Variants in GRM5 observed in about 807,000 individuals in gnomAD.
The protein encoded by GRM5 is metabotropic glutamate receptor 5.
GRM5 carries 19 observed loss-of-function variants against 83.1 expected under a neutral mutation model. The ratio of observed to expected loss-of-function variants is 0.23; its 90% CI spans 0.16 to 0.34. The LOEUF (loss-of-function observed/expected upper bound fraction) is 0.34, where lower values mean the gene tolerates loss of function less well. Ranked by LOEUF, GRM5 falls within the 10% of genes least tolerant of loss-of-function variation. The pLI is 1.00. For synonymous variants in GRM5, 675 were observed against 633.6 expected (o/e 1.07, Z -0.98); for missense variants, 1,160 against 1,588.3 (o/e 0.73, Z 4.58).
rs538152855 is a variant in GRM5 at position 88,744,953 on chromosome 11, C to CT, written c.912-91551dup. Among the ~76,000 whole-genome samples the CT allele has an allele frequency of 2.1e-3, 320 of 152,198 alleles. 2 individuals are homozygous for CT. The highest frequency in any genetic ancestry group is 7.2e-3 in the African/African-American group (297 of 41,534). On this transcript the variant is annotated intron_variant, in intron 3 of 9. Transcript: ENST00000305447. ...AGAGTACATTGATTAAAAATGATGA[C>CT]TGACATTGATTGAAGAGAGAGTGTA... is the stretch of plus-strand genomic sequence containing the variant.
At chr11:88,684,344 G>A (rs747225422) in intron 3 of GRM5, among the ~76,000 whole-genome samples, 2 of 152,172 alleles carry the variant, frequency 1.3e-5, no homozygotes, top group Non-Finnish European at 2.9e-5. Flanking sequence ...TGTGGAAAAT[G>A]TACTAGAGAG....
chr11:88,959,541 G>C (rs575706047), intron 2 of GRM5, among the ~76,000 whole-genome samples: 1 of 152,072 alleles, frequency 6.6e-6, no homozygotes, highest in East Asian at 1.9e-4. Flanking sequence ...AGTAAACATA[G>C]TTCTACAGGT....
At chr11:88,976,064 T>C (rs1939326445) in intron 2 of GRM5, among the ~76,000 whole-genome samples, 1 of 152,238 alleles carries the variant, frequency 6.6e-6, no homozygotes. Context: ...ATTTGTTATG[T>C]TGGTTCCACC....
intron 2 of GRM5, among the ~76,000 whole-genome samples, chr11:88,948,507 T>G (rs1387733557): frequency 6.6e-6 from 1 of 152,180 alleles, no homozygotes; most frequent in Non-Finnish European, 1.5e-5. Context: ...CTTTATGAAA[T>G]TCACCTAACA....
rs1219755921 is a variant in GRM5 at position 88,509,235 on chromosome 11, G to A, written c.2996C>T (p.Ala999Val). The A allele has an allele frequency of 6.7e-7, 1 of 1,502,230 alleles. No individual in the cohort carries two copies. Among genetic ancestry groups the A allele is most frequent in the Non-Finnish European group, 8.9e-7 (1 of 1,128,558 alleles). The allele number at this position is 1,502,230 out of a possible 1,614,324, so 93.1% of individuals were successfully genotyped here. Residue 999 changes from alanine (A) to valine (V), a missense_variant, in exon 10 of 10, where the codon GCG becomes GTG. Physicochemically the swap from Ala to Val is moderately conservative, Grantham distance 64 (BLOSUM62 0). This residue lies in a region of GRM5 where 562 missense variants were observed against 532.4 expected (regional missense o/e 1.06). Transcript: ENST00000305447. ...CTCAGCCTCGGCCACATCATACAGC[G>A]CCTTGGGGCCGGCGTCTGGGGACTC... Reference protein sequence around the residue: ...GPESPDAGPKALYDVAEAEEH... With the variant: ...GPESPDAGPKVLYDVAEAEEH...
rs193278510 is a variant in GRM5 at position 88,974,398 on chromosome 11, T to G, written c.661+72814A>C. On this transcript the variant is annotated intron_variant, in intron 2 of 9. Coordinates refer to ENST00000305447, the MANE Select transcript of GRM5 (RefSeq NM_001143831.3). ...AGAGATAGATAGATAGATAGATAGA[T>G]AGATAGATAGATAGATAGATAGATA... Among the ~76,000 whole-genome samples, 3 of 151,956 alleles carry G rather than the reference T, an allele frequency of 2.0e-5. No homozygotes were observed. In the East Asian group the frequency reaches 5.8e-4, roughly 29 times the overall value.
intron 3 of GRM5, among the ~76,000 whole-genome samples, chr11:88,733,627 A>G (rs1941851790): frequency 6.6e-6 from 1 of 152,062 alleles, no homozygotes; most frequent in African/African-American, 2.4e-5. Context: ...ACACATTAAC[A>G]AGTGAAAATT....
intron 2 of GRM5, among the ~76,000 whole-genome samples, chr11:88,854,476 T>C (rs11021622): frequency 0.016 from 2,457 of 152,168 alleles, 66 homozygotes; most frequent in African/African-American, 0.056. Context: ...TGTTTAAAGC[T>C]AGTGCTTTCA....
chr11:88,948,381 C>T (rs185272603), intron 2 of GRM5, among the ~76,000 whole-genome samples: 2 of 152,284 alleles, frequency 1.3e-5, no homozygotes, highest in African/African-American at 4.8e-5. Context: ...AGTTTCACTG[C>T]TTTGCTCAAG....
At chr11:88,889,846 A>C (rs1372778598) in intron 2 of GRM5, among the ~76,000 whole-genome samples, 2 of 152,098 alleles carry the variant, frequency 1.3e-5, no homozygotes, top group Non-Finnish European at 2.9e-5. Flanking sequence ...TGTGGGGAAA[A>C]AAGCAAACAA....
At chr11:89,043,773 G>T (rs1454530330) in intron 2 of GRM5, among the ~76,000 whole-genome samples, 1 of 152,098 alleles carries the variant, frequency 6.6e-6, no homozygotes, top group Non-Finnish European at 1.5e-5. Flanking sequence ...TTAGCTGTGG[G>T]TTGGAAAGGC....
intron 3 of GRM5, among the ~76,000 whole-genome samples, chr11:88,735,862 T>A (rs117949774): frequency 0.011 from 1,624 of 152,138 alleles, 15 homozygotes; most frequent in South Asian, 0.023. Flanking sequence ...TTTCCCAAGA[T>A]CATGAAGTGG....
chr11:88,880,330 GA>G (rs1944931935), intron 2 of GRM5, among the ~76,000 whole-genome samples: 1 of 152,132 alleles, frequency 6.6e-6, no homozygotes, highest in Non-Finnish European at 1.5e-5. Flanking sequence ...ATGCATTGAA[GA>G]GATTATGGCA....
At chr11:88,906,864 C>T (rs558540433) in intron 2 of GRM5, among the ~76,000 whole-genome samples, 1 of 152,056 alleles carries the variant, frequency 6.6e-6, no homozygotes, top group Admixed American at 6.6e-5. Context: ...GGAATCCACG[C>T]CAGAAAAGGC....
Position 88,693,206 on chromosome 11 carries a change from A to G in GRM5, c.912-39803T>C, listed in dbSNP as rs1046399373. ...GAGGTCCTACTACCTACAAAACACTATGTTAGGTACTATGGGAGAAGCACT... is the reference window on the plus strand; with the variant it reads ...GAGGTCCTACTACCTACAAAACACTGTGTTAGGTACTATGGGAGAAGCACT... On this transcript the variant is annotated intron_variant, in intron 3 of 9. Coordinates refer to ENST00000305447, the MANE Select transcript of GRM5 (RefSeq NM_001143831.3). Among the ~76,000 whole-genome samples, 6 of 152,224 alleles carry G rather than the reference A, an allele frequency of 3.9e-5. No individual in the cohort carries two copies. The East Asian group carries it at 5.8e-4, about 15-fold the overall frequency.
chr11:88,595,813 A>G (rs1291275324), intron 6 of GRM5, among the ~76,000 whole-genome samples: 2 of 151,920 alleles, frequency 1.3e-5, no homozygotes, highest in African/African-American at 4.8e-5. Context: ...ATCTCTCTGT[A>G]CCTGTTGCTG....
chr11:88,683,577 T>A (rs1380969964), intron 3 of GRM5, among the ~76,000 whole-genome samples: 3 of 152,208 alleles, frequency 2.0e-5, no homozygotes, highest in African/African-American at 2.4e-5. Flanking sequence ...TAATATTCCC[T>A]CAGAATATTT....
intron 2 of GRM5, among the ~76,000 whole-genome samples, chr11:88,884,706 C>G (rs576763551): frequency 6.6e-6 from 1 of 152,120 alleles, no homozygotes; most frequent in Non-Finnish European, 1.5e-5. Context: ...GAGGGTGGGT[C>G]TTCCCTATGC....
intron 2 of GRM5, among the ~76,000 whole-genome samples, chr11:88,954,241 A>C (rs1366453722): frequency 6.6e-6 from 1 of 152,172 alleles, no homozygotes; most frequent in Non-Finnish European, 1.5e-5. Flanking sequence ...GTTCCACCTA[A>C]GATGGAAATG....
Sources: allele counts gnomAD v4.1 joint callset (sites outside exome capture counted in the v4.1 genomes callset), GRCh38; gene constraint gnomAD v4.1.1; regional missense constraint gnomAD v4.1.1; transcripts MANE v1.5; gene names NCBI Gene and HGNC (gene_info 2026-07-23, HGNC 2026-07-21).